The following HERC3 variants were observed in gnomAD, a reference collection of about 807,000 sequenced individuals.
HERC3 encodes HECT and RLD domain containing E3 ubiquitin protein ligase 3.
HERC3 carries 58 observed loss-of-function variants against 129.9 expected under a neutral mutation model. That is an observed-to-expected ratio of 0.45 (90% CI 0.36 to 0.56). The LOEUF is 0.56. Ranked by LOEUF, HERC3 falls within the 20% of genes least tolerant of loss-of-function variation. The pLI is 0.00. For missense variants in HERC3, 835 were observed against 1,244.2 expected, an observed-to-expected ratio of 0.67 and a Z score of 4.95; for synonymous variants, 430 against 451.0, an observed-to-expected ratio of 0.95 and a Z score of 0.59.
chr4:88,554,544 G>A, the HERC3 span, among the ~76,000 whole-genome samples: 4 of 152,248 alleles, frequency 2.6e-5, no homozygotes, highest in South Asian at 8.3e-4. Flanking sequence ...GAACAACTGA[G>A]GCATAGGTAG....
At chr4:88,608,276 C>T (rs1723893403) in intron 3 of HERC3, among the ~76,000 whole-genome samples, 2 of 152,180 alleles carry the variant, frequency 1.3e-5, no homozygotes, top group Non-Finnish European at 2.9e-5. Context: ...TCCAATTCCT[C>T]ATTCTTTGCC....
intron 3 of HERC3, among the ~76,000 whole-genome samples, chr4:88,648,727 T>A (rs1578238693): frequency 2.6e-5 from 4 of 152,064 alleles, no homozygotes; most frequent in Admixed American, 2.6e-4. Flanking sequence ...TTCTTGTGAT[T>A]TTTTTTTGAA....
chr4:88,608,233 A>G (rs1007832492), intron 3 of HERC3, among the ~76,000 whole-genome samples: 7 of 152,290 alleles, frequency 4.6e-5, no homozygotes, highest in African/African-American at 1.7e-4. Flanking sequence ...CTTAGGCACA[A>G]TTGTGAAGGA....
the HERC3 span, among the ~76,000 whole-genome samples, chr4:88,536,166 T>G: frequency 2.6e-5 from 4 of 152,342 alleles, no homozygotes; most frequent in South Asian, 6.2e-4. Context: ...CCAGACTGTC[T>G]CCAGCATATT....
intron 10 of HERC3, among the ~76,000 whole-genome samples, chr4:88,659,750 C>G (rs1730295819): frequency 6.6e-6 from 1 of 152,320 alleles, no homozygotes; most frequent in South Asian, 2.1e-4. Context: ...TTTATTTCCC[C>G]TAGAAACTAG....
At chr4:88,627,536 A>G (rs1041694993) in intron 3 of HERC3, among the ~76,000 whole-genome samples, 6 of 152,156 alleles carry the variant, frequency 3.9e-5, no homozygotes, top group African/African-American at 1.4e-4. Context: ...TTTGGTATCT[A>G]TGGGGGGCCC....
At chr4:88,623,271 T>C (rs1047513037) in intron 3 of HERC3, among the ~76,000 whole-genome samples, 2 of 152,228 alleles carry the variant, frequency 1.3e-5, no homozygotes, top group African/African-American at 4.8e-5. Context: ...CATTTTTTGT[T>C]GTGAATCACT....
chr4:88,558,071 C>CAAAAAAAAAAAAAAAAA, the HERC3 span, among the ~76,000 whole-genome samples: 65 of 39,108 alleles, frequency 1.7e-3, no homozygotes, highest in Non-Finnish European at 3.2e-3. Context: ...GACTCTGACT[C>CAAAAAAAAAAAAAAAAA]AAAAAAAAAA....
the HERC3 span, among the ~76,000 whole-genome samples, chr4:88,584,833 G>A: frequency 6.6e-6 from 1 of 152,148 alleles, no homozygotes; most frequent in Non-Finnish European, 1.5e-5. Context: ...GCACAAAATG[G>A]ACTAAGAGAC....
chr4:88,576,679 T>TA, the HERC3 span, among the ~76,000 whole-genome samples: 3 of 152,310 alleles, frequency 2.0e-5, no homozygotes, highest in East Asian at 5.8e-4. Context: ...AGTGGTTACC[T>TA]AATCAAGGCC....
the HERC3 span, among the ~76,000 whole-genome samples, chr4:88,536,390 C>T: frequency 6.6e-6 from 1 of 152,190 alleles, no homozygotes; most frequent in East Asian, 1.9e-4. Context: ...CTCCTTCCTT[C>T]TCCCTGCTTC....
At chr4:88,565,590 C>T in the HERC3 span, among the ~76,000 whole-genome samples, 17 of 152,022 alleles carry the variant, frequency 1.1e-4, no homozygotes, top group Admixed American at 1.1e-3. Context: ...TTTTTTCCAC[C>T]CCTTTATTTT....
At chr4:88,607,483 A>G (rs539471515) in intron 3 of HERC3, among the ~76,000 whole-genome samples, 5 of 151,512 alleles carry the variant, frequency 3.3e-5, no homozygotes, top group Admixed American at 3.3e-4. Context: ...TTTTTTTTTG[A>G]GACAGGATCT....
At chr4:88,529,759 A>G in the HERC3 span, among the ~76,000 whole-genome samples, 1 of 152,036 alleles carries the variant, frequency 6.6e-6, no homozygotes, top group African/African-American at 2.4e-5. Context: ...GTCTCAAAAA[A>G]AAAAAAAATG....
At chr4:88,705,606 A>G (rs1164010704) in intron 25 of HERC3, among the ~76,000 whole-genome samples, 1 of 152,220 alleles carries the variant, frequency 6.6e-6, no homozygotes, top group Non-Finnish European at 1.5e-5. Context: ...GAAGGGTAAT[A>G]ATACCTTTGG....
chr4:88,636,414 G>A (rs1727406958), intron 3 of HERC3, among the ~76,000 whole-genome samples: 1 of 152,112 alleles, frequency 6.6e-6, no homozygotes, highest in African/African-American at 2.4e-5. Flanking sequence ...ATTACGTAAT[G>A]GTAAAGGGAT....
Position 88,668,090 on chromosome 4 carries a change from G to T in HERC3, c.1633+9G>T. ...CCCCAGCAAAGTACTAGGTGAATTT[G>T]CTAACCTCGATATCAGTGGTTTTAT... On this transcript the variant is annotated intron_variant, in intron 14 of 25. Transcript: ENST00000402738. The T allele has an allele frequency of 6.2e-7, 1 of 1,608,816 alleles. No individual in the cohort carries two copies. Among genetic ancestry groups the T allele is most frequent in the Non-Finnish European group, 8.5e-7 (1 of 1,176,250 alleles).
upstream of HERC3, among the ~76,000 whole-genome samples, chr4:88,591,684 C>CT (rs1721717907): frequency 6.6e-6 from 1 of 152,080 alleles, no homozygotes; most frequent in African/African-American, 2.4e-5. Context: ...TATGAAAGCA[C>CT]TAGTGACCTT....
chr4:88,539,789 A>C, the HERC3 span, among the ~76,000 whole-genome samples: 69,967 of 152,090 alleles, frequency 0.46, 19,804 homozygotes, highest in African/African-American at 0.8. Flanking sequence ...GATACCCAGG[A>C]AAACAGGGTC....
Sources: gnomAD v4.1 joint callset for allele counts (sites outside exome capture counted in the v4.1 genomes callset) on GRCh38, gnomAD v4.1.1 for gene constraint, MANE v1.5 for transcripts, NCBI Gene and HGNC (gene_info 2026-07-23, HGNC 2026-07-21) for gene names.